OSBPL8: variants seen among roughly 807,000 people sequenced by gnomAD.
The protein encoded by OSBPL8 is oxysterol binding protein like 8, also known as oxysterol-binding protein-related protein 8.
Under a neutral mutation model 125.5 loss-of-function variants are expected in OSBPL8, and 59 were observed. The ratio of observed to expected loss-of-function variants is 0.47; its 90% confidence interval spans 0.38 to 0.58. OSBPL8 has a LOEUF of 0.58. Ranked by LOEUF, OSBPL8 falls within the 20% of genes least tolerant of loss-of-function variation. The pLI is 0.00. For synonymous variants in OSBPL8, 330 were observed against 338.9 expected, an observed-to-expected ratio of 0.97 and a Z score of 0.29; for missense variants, 758 against 1,047.8, an observed-to-expected ratio of 0.72 and a Z score of 3.82.
At chr12:76,486,175 C>T (rs1436669837) in intron 2 of OSBPL8, 1 of 304,554 alleles carries the variant, frequency 3.3e-6, no homozygotes, top group Non-Finnish European at 6.5e-6. Flanking sequence ...CAAGACTGAA[C>T]CAGGAATTCA....
chr12:76,498,311 A>G (rs913438443), intron 1 of OSBPL8, among the ~76,000 whole-genome samples: 2 of 152,304 alleles, frequency 1.3e-5, no homozygotes, highest in African/African-American at 4.8e-5. Context: ...TTTTCTAGCC[A>G]ATATTTTAAA....
intron 2 of OSBPL8, among the ~76,000 whole-genome samples, chr12:76,477,950 T>C (rs1338569346): frequency 6.6e-6 from 1 of 151,824 alleles, no homozygotes; most frequent in African/African-American, 2.4e-5. Flanking sequence ...ACACCTGTAA[T>C]CCCAGCATTT....
chr12:76,450,388 T>C (rs1873236980), intron 4 of OSBPL8, among the ~76,000 whole-genome samples: 1 of 151,856 alleles, frequency 6.6e-6, no homozygotes, highest in African/African-American at 2.4e-5. Flanking sequence ...TTTTGGGGAG[T>C]AGAGGGAAAG....
At chr12:76,447,622 C>A (rs528354097) in intron 4 of OSBPL8, among the ~76,000 whole-genome samples, 1 of 152,220 alleles carries the variant, frequency 6.6e-6, no homozygotes, top group Non-Finnish European at 1.5e-5. Context: ...CGGCTCACTG[C>A]AACCTCTGCC....
rs1334549346 is a variant in OSBPL8, at chr12:76,358,612, C to T, written c.2434+94G>A. On this transcript the variant is annotated intron_variant, in intron 22 of 23. Coordinates refer to ENST00000261183, the MANE Select transcript of OSBPL8 (RefSeq NM_020841.5). The stretch of plus-strand genomic sequence containing the variant: ...TCAACCCTGCCCCGACCAAAACTCA[C>T]ATAACTTGAGTTAATATGAAAAACC... 2.7e-6 allele frequency: 3 copies of T among 1,121,716 alleles called. No homozygotes were observed. In the African/African-American group the frequency reaches 4.7e-5, roughly 18 times the overall value. 69.5% of individuals were successfully genotyped at this position (1,121,716 alleles called of 1,614,324 possible). A position where few individuals can be genotyped will look rare whatever the true frequency, so the allele number is the denominator to read the frequency against.
At chr12:76,356,471 G>A (rs199813631) in intron 23 of OSBPL8, among the ~76,000 whole-genome samples, 155 bp downstream of exon 23, 5 of 152,232 alleles carry the variant, frequency 3.3e-5, no homozygotes, top group African/African-American at 4.8e-5. Context: ...GAGGAATTTC[G>A]TAAGTGTCAA....
At chr12:76,420,330 A>C (rs1386209205) in intron 4 of OSBPL8, among the ~76,000 whole-genome samples, 2 of 152,168 alleles carry the variant, frequency 1.3e-5, no homozygotes, top group Non-Finnish European at 1.5e-5. Context: ...TTCTTTGTTC[A>C]AAGTTTATTT....
intron 4 of OSBPL8, among the ~76,000 whole-genome samples, chr12:76,426,585 A>T (rs1178278494): frequency 6.6e-6 from 1 of 152,176 alleles, no homozygotes; most frequent in African/African-American, 2.4e-5. Flanking sequence ...TACATATAAG[A>T]ACTTCTAAAG....
chr12:76,356,162 T>TGGGGGGGTGAGGGGGGGGTAGGGGGGGG (rs1951977503), intron 23 of OSBPL8, 141 bp from the exon 24 acceptor site: 1 of 131,834 alleles, frequency 7.6e-6, no homozygotes, highest in African/African-American at 3.4e-5. Context: ...TATGTAGGGG[T>TGGGGGGGTGAGGGGGGGGTAGGGGGGGG]GGGGGGGGGC....
At chr12:76,468,595 A>C (rs1875744118) in intron 2 of OSBPL8, among the ~76,000 whole-genome samples, 1 of 152,220 alleles carries the variant, frequency 6.6e-6, no homozygotes, top group Non-Finnish European at 1.5e-5. Flanking sequence ...GACACTCAAC[A>C]AACCCCTCAC....
chr12:76,379,051 T>C (rs1324208363), intron 15 of OSBPL8, among the ~76,000 whole-genome samples: 6 of 152,200 alleles, frequency 3.9e-5, no homozygotes, highest in Non-Finnish European at 5.9e-5. Flanking sequence ...CCTCCCAAAG[T>C]GCTGGGATTA....
intron 23 of OSBPL8, 149 bp downstream of exon 23, chr12:76,356,477 G>A: frequency 1.9e-6 from 1 of 530,100 alleles, no homozygotes. Context: ...TTTCGTAAGT[G>A]TCAAACATCA....
At chr12:76,520,900 C>T (rs1168516668) in intron 1 of OSBPL8, among the ~76,000 whole-genome samples, 3 of 152,058 alleles carry the variant, frequency 2.0e-5, no homozygotes, top group Admixed American at 1.3e-4. Context: ...AAGGGTCCAC[C>T]CAATAGTTGC....
chr12:76,417,251 T>C lies in OSBPL8; in HGVS notation c.218-6617A>G, dbSNP rs572280249. Among the ~76,000 whole-genome samples, 13 of 152,342 alleles carry C rather than the reference T, an allele frequency of 8.5e-5. No individual in the cohort carries two copies. The South Asian group carries it at 2.7e-3, about 32-fold the overall frequency. ...AAGTACACCTGTAGCTTCTACTGTT[T>C]CAGTGAAGAAGTCAAACAGGTGTGA... On this transcript the variant is annotated intron_variant, in intron 4 of 23. Coordinates refer to ENST00000261183, the MANE Select transcript of OSBPL8 (RefSeq NM_020841.5).
chr12:76,407,703 T>G (rs1262751271), intron 5 of OSBPL8, among the ~76,000 whole-genome samples: 1 of 152,188 alleles, frequency 6.6e-6, no homozygotes, highest in Non-Finnish European at 1.5e-5. Flanking sequence ...CAAATAGTTA[T>G]GTTAAGAATC....
intron 18 of OSBPL8, among the ~76,000 whole-genome samples, chr12:76,372,733 A>C (rs1404413265): frequency 2.0e-5 from 3 of 152,188 alleles, no homozygotes; most frequent in African/African-American, 4.8e-5. Flanking sequence ...TCTCTTAACA[A>C]AATTACATAA....
chr12:76,479,300 A>G (rs1008052050), intron 2 of OSBPL8, among the ~76,000 whole-genome samples: 25 of 152,314 alleles, frequency 1.6e-4, no homozygotes, highest in African/African-American at 6.0e-4. Flanking sequence ...CCTGTATCAA[A>G]ACATCCCATA....
chr12:76,416,781 A>G (rs1785311248), intron 4 of OSBPL8, among the ~76,000 whole-genome samples: 3 of 152,032 alleles, frequency 2.0e-5, no homozygotes, highest in Admixed American at 2.0e-4. Flanking sequence ...TTAGTACTCA[A>G]TATAATTGCT....
chr12:76,459,863 T>C lies in OSBPL8; in HGVS notation c.75A>G (p.Pro25=), dbSNP rs775547461. The C allele has an allele frequency of 5.0e-6, 8 of 1,613,672 alleles. No homozygotes were observed. Among genetic ancestry groups the C allele is most frequent in the Non-Finnish European group, 6.8e-6 (8 of 1,179,942 alleles). Residue 25 remains proline (P), a synonymous_variant, in exon 3 of 24, where the codon CCA becomes CCG. Coordinates refer to ENST00000261183, the MANE Select transcript of OSBPL8 (RefSeq NM_020841.5). The part of the protein sequence containing the change: ...LLGDSKDVLG[P]STVVANSDES... The stretch of plus-strand genomic sequence containing the variant: ...GTTCAAGCTTCAGCTACTTACTTGA[T>C]GGCCCAAGGACATCTTTGCTATCAC...
Sources: allele counts gnomAD v4.1 joint callset (sites outside exome capture counted in the v4.1 genomes callset), GRCh38; gene constraint gnomAD v4.1.1; transcripts MANE v1.5; gene names NCBI Gene and HGNC (gene_info 2026-07-23, HGNC 2026-07-21).